PGM1: variants seen among roughly 807,000 people sequenced by gnomAD.
PGM1 encodes the protein phosphoglucomutase-1.
Under a neutral mutation model 55.6 loss-of-function variants are expected in PGM1, and 52 were observed. The ratio of observed to expected loss-of-function variants is 0.94; its 90% CI spans 0.75 to 1.18. PGM1 has a LOEUF of 1.18. PGM1 is among the 50% of genes most tolerant of loss of function. The pLI is 0.00. For synonymous variants in PGM1, 287 were observed against 271.7 expected, an observed-to-expected ratio of 1.06 and a Z score of -0.55; for missense variants, 724 against 729.3, an observed-to-expected ratio of 0.99 and a Z score of 0.08.
chr1:63,616,663 A>G (rs1201786296), intron 1 of PGM1, among the ~76,000 whole-genome samples: 3 of 152,144 alleles, frequency 2.0e-5, no homozygotes, highest in Non-Finnish European at 4.4e-5. Flanking sequence ...TGGACAGCCA[A>G]CTGACGCGTG....
In PGM1 at chr1:63,636,338, T is replaced by G; in HGVS notation, c.978T>G (p.Thr326=). The change falls in exon 6 of 11, where the codon ACT becomes ACG. Residue 326 remains threonine (T), a synonymous_variant. Transcript: ENST00000371084. ...NIFSIPYFQQ[T]GVRGFARSMP... ...TCAGCATTCCGTATTTCCAGCAGAC[T>G]GGGGTCCGCGGCTTTGCACGGAGCA... The G allele has an allele frequency of 6.2e-7, 1 of 1,614,148 alleles. No individual in the cohort carries two copies. The highest frequency in any genetic ancestry group is 8.5e-7 in the Non-Finnish European group (1 of 1,180,008).
intron 1 of PGM1, among the ~76,000 whole-genome samples, chr1:63,617,721 G>C (rs1311043655): frequency 1.1e-5 from 1 of 88,756 alleles, no homozygotes; most frequent in Non-Finnish European, 2.0e-5. Flanking sequence ...GAGTGACTCT[G>C]CCTCCCCACA....
chr1:63,602,392 C>A (rs763641327), intron 1 of PGM1, among the ~76,000 whole-genome samples: 12 of 152,196 alleles, frequency 7.9e-5, no homozygotes, highest in Non-Finnish European at 7.3e-5. Context: ...TAAGGGCATG[C>A]AGGGAAGGTG....
At chr1:63,615,278 A>G (rs114832099) in intron 1 of PGM1, among the ~76,000 whole-genome samples, 3 of 152,316 alleles carry the variant, frequency 2.0e-5, no homozygotes, top group Non-Finnish European at 2.9e-5. Context: ...TTGAGTGTCT[A>G]CTATATGGCC....
intron 1 of PGM1, among the ~76,000 whole-genome samples, chr1:63,618,318 C>T (rs1033914754): frequency 6.6e-6 from 1 of 152,100 alleles, no homozygotes; most frequent in African/African-American, 2.4e-5. Context: ...TAATACAGTC[C>T]AAGTTTTCTG....
intron 1 of PGM1, among the ~76,000 whole-genome samples, chr1:63,627,067 A>C (rs12046554): frequency 0.058 from 2,670 of 46,354 alleles, 62 homozygotes; most frequent in South Asian, 0.095. Flanking sequence ...CCCCCCCCCC[A>C]CACACACACA....
Position 63,648,305 on chromosome 1 carries a change from A to G in PGM1, c.1145-212A>G, listed in dbSNP as rs1256714145. 1.3e-5 allele frequency among the ~76,000 whole-genome samples: 2 copies of G among 152,132 alleles called. No homozygotes were observed. Among genetic ancestry groups the G allele is most frequent in the East Asian group, 3.9e-4 (2 of 5,180 alleles). On this transcript the variant is annotated intron_variant, in intron 7 of 10. Transcript: ENST00000371084. ...GAGAGAGTGAAGGGGGAAGTGCTAT[A>G]TACTTTTAAACAACCAGATCTCATG...
chr1:63,597,633 A>C (rs544069663), intron 1 of PGM1, among the ~76,000 whole-genome samples: 1 of 152,324 alleles, frequency 6.6e-6, no homozygotes, highest in African/African-American at 2.4e-5. Flanking sequence ...CAAGTGAAAA[A>C]GGAATTTTAT....
At chr1:63,629,875 CT>C in intron 2 of PGM1, 66 bp from the exon 3 acceptor site, 1 of 1,568,788 alleles carries the variant, frequency 6.4e-7, no homozygotes, top group Middle Eastern at 1.7e-4. Flanking sequence ...AACTGATGAG[CT>C]TTGGATTCTT....
At chr1:63,631,465 T>A (rs1358638071) in intron 3 of PGM1, among the ~76,000 whole-genome samples, 192 bp from the exon 4 acceptor site, 1 of 152,198 alleles carries the variant, frequency 6.6e-6, no homozygotes, top group African/African-American at 2.4e-5. Context: ...TCAGGAAAAT[T>A]GTTAGTATTG....
chr1:63,594,008 C>T (rs1041615758), intron 1 of PGM1: 5 of 1,144,590 alleles, frequency 4.4e-6, no homozygotes, highest in Non-Finnish European at 5.3e-6. Context: ...CAAGGTCACG[C>T]CCGACTCTCC....
chr1:63,603,310 G>C (rs1648294478), intron 1 of PGM1, among the ~76,000 whole-genome samples: 1 of 152,206 alleles, frequency 6.6e-6, no homozygotes, highest in African/African-American at 2.4e-5. Flanking sequence ...CCAAATACCA[G>C]GTTCCCACTG....
intron 1 of PGM1, 38 bp downstream of exon 1, chr1:63,593,772 G>C: frequency 6.4e-7 from 1 of 1,550,700 alleles, no homozygotes. Flanking sequence ...GTGCACCCTG[G>C]CGCGTGTGCG....
At position 63,648,665 on chromosome 1, in the gene PGM1, C is replaced by A. The variant is rs776312066; in HGVS notation, c.1280+13C>A. ...ATTTCTTCACCAGGTGAGCCACAGC[C>A]CAGCTGGGGTACAAGGTAAGGTGGG... On this transcript the variant is annotated intron_variant, in intron 8 of 10. Transcript: ENST00000371084. 6.2e-7 allele frequency: 1 copy of A among 1,613,308 alleles called. No individual in the cohort carries two copies. The highest frequency in any genetic ancestry group is 8.5e-7 in the Non-Finnish European group (1 of 1,179,770).
At chr1:63,648,952 G>T (rs1038802909) in intron 8 of PGM1, among the ~76,000 whole-genome samples, 2 of 152,186 alleles carry the variant, frequency 1.3e-5, no homozygotes, top group African/African-American at 2.4e-5. Flanking sequence ...TGGATTCAGA[G>T]AAATGGATTA....
rs776662519 is a variant in PGM1 at position 63,654,428 on chromosome 1, T to G, written c.1561T>G (p.Tyr521Asp). 4 of 1,614,080 alleles carry G rather than the reference T, an allele frequency of 2.5e-6. No homozygotes were observed. Among genetic ancestry groups the G allele is most frequent in the South Asian group, 2.2e-5 (2 of 91,080 alleles). Reference sequence around the variant, plus strand: ...CACCATTCGGCTGTACATCGATAGCTATGAGAAGGACGTTGCCAAGATTAA... The same window carrying G: ...CACCATTCGGCTGTACATCGATAGCGATGAGAAGGACGTTGCCAAGATTAA... ...GATIRLYIDS[Y>D]EKDVAKINQD... The change falls in exon 10 of 11, where the codon TAT becomes GAT. Residue 521 changes from tyrosine to aspartate, a missense_variant. Tyr to Asp is a radical substitution (Grantham distance 160). Transcript: ENST00000371084.
chr1:63,658,420 G>A (rs147622314), intron 10 of PGM1, among the ~76,000 whole-genome samples: 12 of 146,408 alleles, frequency 8.2e-5, no homozygotes, highest in African/African-American at 2.3e-4. Flanking sequence ...TTCTTTAAGC[G>A]AGAAGTAGAT....
intron 1 of PGM1, among the ~76,000 whole-genome samples, chr1:63,609,040 A>G (rs1324404956): frequency 6.6e-6 from 1 of 152,190 alleles, no homozygotes. Flanking sequence ...GGGAGGGGAT[A>G]AGAAGATGGG....
intron 4 of PGM1, among the ~76,000 whole-genome samples, chr1:63,634,153 T>G (rs1308869822): frequency 6.6e-6 from 1 of 151,514 alleles, no homozygotes; most frequent in African/African-American, 2.4e-5. Flanking sequence ...GAATCCCAAT[T>G]CCCACTTTTC....
Sources: gnomAD v4.1 joint callset for allele counts (sites outside exome capture counted in the v4.1 genomes callset) on GRCh38, gnomAD v4.1.1 for gene constraint, MANE v1.5 for transcripts, NCBI Gene and HGNC (gene_info 2026-07-23, HGNC 2026-07-21) for gene names.